INPP4A: variants seen among roughly 807,000 people sequenced by gnomAD.
The protein encoded by INPP4A is inositol polyphosphate-4-phosphatase type I A.
A neutral mutation model predicts 119.8 loss-of-function variants in INPP4A; 33 were observed. The observed-to-expected ratio is 0.28, with a 90% CI of 0.21 to 0.37. The LOEUF (loss-of-function observed/expected upper bound fraction) is 0.37, where lower values mean the gene tolerates loss of function less well. Ranked by LOEUF, INPP4A falls within the 10% of genes least tolerant of loss-of-function variation. The pLI is 1.00. For synonymous variants in INPP4A, 496 were observed against 500.7 expected (o/e 0.99, Z 0.12); for missense variants, 956 against 1,289.9 (o/e 0.74, Z 3.97).
chr2:98,447,486 C>T (rs1274098185), intron 1 of INPP4A, among the ~76,000 whole-genome samples: 1 of 152,050 alleles, frequency 6.6e-6, no homozygotes, highest in Non-Finnish European at 1.5e-5. Context: ...AAAATACCAT[C>T]ATGAAGCTAA....
intron 1 of INPP4A, among the ~76,000 whole-genome samples, chr2:98,458,908 C>T (rs1035493243): frequency 6.6e-6 from 1 of 152,196 alleles, no homozygotes; most frequent in African/African-American, 2.4e-5. Flanking sequence ...GCATGGCTGA[C>T]TGTGGAAGGT....
At chr2:98,535,995 T>C (rs1690192537) in intron 6 of INPP4A, 134 bp from the exon 7 acceptor site, 1 of 718,962 alleles carries the variant, frequency 1.4e-6, no homozygotes, top group African/African-American at 1.8e-5. Context: ...ATTGTTAAGC[T>C]TTCCCATTGG....
intron 1 of INPP4A, among the ~76,000 whole-genome samples, chr2:98,446,298 A>G (rs990607197): frequency 1.3e-5 from 2 of 152,158 alleles, no homozygotes; most frequent in African/African-American, 4.8e-5. Context: ...TTTAACGGAA[A>G]TTTTGTTTTT....
At chr2:98,482,278 A>C (rs754518038) in intron 1 of INPP4A, among the ~76,000 whole-genome samples, 8 of 152,128 alleles carry the variant, frequency 5.3e-5, no homozygotes, top group Non-Finnish European at 1.0e-4. Context: ...TTGGGCTGAG[A>C]CTCTGGAGAT....
chr2:98,468,419 G>A (rs72821904), intron 1 of INPP4A, among the ~76,000 whole-genome samples: 36,880 of 151,810 alleles, frequency 0.24, 4,620 homozygotes, highest in Middle Eastern at 0.35. Context: ...TTATTTTTTT[G>A]TAGGGATGGG....
chr2:98,490,337 G>C (rs935702889), intron 1 of INPP4A, among the ~76,000 whole-genome samples: 2 of 151,932 alleles, frequency 1.3e-5, no homozygotes, highest in Non-Finnish European at 2.9e-5. Context: ...TATCACATGG[G>C]AATCTCTACA....
chr2:98,582,354 A>G (rs1212410562), intron 24 of INPP4A, among the ~76,000 whole-genome samples: 1 of 152,220 alleles, frequency 6.6e-6, no homozygotes, highest in African/African-American at 2.4e-5. Flanking sequence ...ATTATTTCCA[A>G]TTAAGGATGA....
At chr2:98,463,336 G>A (rs1014780264) in intron 1 of INPP4A, among the ~76,000 whole-genome samples, 12 of 152,232 alleles carry the variant, frequency 7.9e-5, no homozygotes, top group Non-Finnish European at 1.3e-4. Flanking sequence ...AACACACAGT[G>A]CTTGTGTGGA....
intron 4 of INPP4A, among the ~76,000 whole-genome samples, chr2:98,531,360 A>G (rs930762095): frequency 6.6e-6 from 1 of 152,232 alleles, no homozygotes; most frequent in Non-Finnish European, 1.5e-5. Context: ...AAATGAAGCC[A>G]GAGCAATAAA....
At chr2:98,480,426 T>G (rs2105024588) in intron 1 of INPP4A, among the ~76,000 whole-genome samples, 1 of 152,340 alleles carries the variant, frequency 6.6e-6, no homozygotes, top group East Asian at 1.9e-4. Flanking sequence ...ACTTACCAGA[T>G]TTTTATCTGG....
chr2:98,498,699 CG>C (rs1682536198), intron 1 of INPP4A, among the ~76,000 whole-genome samples: 1 of 152,052 alleles, frequency 6.6e-6, no homozygotes, highest in Non-Finnish European at 1.5e-5. Context: ...CCAATGTGAC[CG>C]TATTTGGAGA....
chr2:98,580,590 C>T (rs562945672), intron 24 of INPP4A, among the ~76,000 whole-genome samples: 3 of 152,316 alleles, frequency 2.0e-5, no homozygotes, highest in South Asian at 2.1e-4. Flanking sequence ...GGCAGTGGGT[C>T]GGTGCTCCGC....
intron 1 of INPP4A, among the ~76,000 whole-genome samples, chr2:98,477,965 G>A (rs1162956638): frequency 6.6e-6 from 1 of 152,210 alleles, no homozygotes; most frequent in Non-Finnish European, 1.5e-5. Context: ...CCTTTAAAAT[G>A]GGACTGGAGT....
intron 1 of INPP4A, among the ~76,000 whole-genome samples, chr2:98,456,627 A>C (rs533873346): frequency 8.5e-5 from 13 of 152,322 alleles, no homozygotes; most frequent in African/African-American, 2.9e-4. Flanking sequence ...GGCATGAGCC[A>C]CTGTACCCAG....
chr2:98,568,652 A>G lies in INPP4A; in HGVS notation c.2502A>G (p.Glu834=). The G allele has an allele frequency of 1.3e-6, 2 of 1,585,228 alleles. No individual in the cohort carries two copies. Among genetic ancestry groups the G allele is most frequent in the Non-Finnish European group, 1.7e-6 (2 of 1,158,620 alleles). The stretch of plus-strand genomic sequence containing the variant: ...ATTCCTACTTTGAGCAGTTTAAGGA[A>G]GTTTTGCCTGAGGATTGTAAGTATT... The part of the protein sequence containing the change: ...RLNSYFEQFK[E]VLPEDCLPRS... Residue 834 remains glutamate, a synonymous_variant, in exon 22 of 25, where the codon GAA becomes GAG. Coordinates refer to ENST00000409851, the MANE Select transcript of INPP4A (RefSeq NM_001134225.2).
intron 1 of INPP4A, among the ~76,000 whole-genome samples, chr2:98,495,598 G>A (rs936889414): frequency 2.0e-5 from 3 of 152,220 alleles, no homozygotes; most frequent in Non-Finnish European, 4.4e-5. Context: ...ATGTATATTA[G>A]TTTGGTCCGG....
intron 1 of INPP4A, among the ~76,000 whole-genome samples, chr2:98,503,788 TCTC>T (rs1045479901): frequency 1.3e-5 from 2 of 152,170 alleles, no homozygotes; most frequent in Non-Finnish European, 2.9e-5. Context: ...AGAGACTCCT[TCTC>T]CTGCAGGCAG....
intron 1 of INPP4A, among the ~76,000 whole-genome samples, chr2:98,483,349 G>A (rs912803013): frequency 6.6e-6 from 1 of 152,166 alleles, no homozygotes; most frequent in Non-Finnish European, 1.5e-5. Context: ...AGCAAGCATT[G>A]CTTAGTTTCA....
intron 24 of INPP4A, among the ~76,000 whole-genome samples, chr2:98,584,518 G>A (rs1699728900): frequency 6.6e-6 from 1 of 152,264 alleles, no homozygotes. Context: ...CAGAGAAGCT[G>A]CGGCCAGGCC....
Sources: allele counts gnomAD v4.1 joint callset (sites outside exome capture counted in the v4.1 genomes callset), GRCh38; gene constraint gnomAD v4.1.1; transcripts MANE v1.5; gene names NCBI Gene and HGNC (gene_info 2026-07-23, HGNC 2026-07-21).